Variants in SPAG16 observed in about 807,000 individuals in gnomAD.
SPAG16 encodes the protein sperm associated antigen 16.
SPAG16 carries 86 observed loss-of-function variants against 80.4 expected under a neutral mutation model. The observed-to-expected ratio is 1.07, with a 90% CI of 0.90 to 1.28. The LOEUF is 1.28. Among genes scored for constraint, SPAG16 ranks in the 50% most tolerant of loss-of-function variants. The probability of loss-of-function intolerance (pLI) is 0.00; values close to 1 mark genes in which losing one functional copy is unlikely to be tolerated. For missense variants in SPAG16, 870 were observed against 765.3 expected, an observed-to-expected ratio of 1.14 and a Z score of -1.61; for synonymous variants, 294 against 265.9, an observed-to-expected ratio of 1.11 and a Z score of -1.03.
At position 213,980,725 on chromosome 2, in the gene SPAG16, T is replaced by TATATATAGAGAGAGAGAGAG. The variant is rs374274176; in HGVS notation, c.1401-33225_1401-33224insTATATAGAGAGAGAGAGAGA. ...GTGTGTGTGTGTGTATATATATATATAGAGAGAGAGAGAGAGAGAGAGAGA... is the reference window on the plus strand; with the variant it reads ...GTGTGTGTGTGTGTATATATATATATATATATAGAGAGAGAGAGAGAGAGAGAGAGAGAGAGAGAGAGAGA... On this transcript the variant is annotated intron_variant, in intron 12 of 15. Coordinates refer to ENST00000331683, the MANE Select transcript of SPAG16 (RefSeq NM_024532.5). 7.5e-4 allele frequency among the ~76,000 whole-genome samples: 78 copies of TATATATAGAGAGAGAGAGAG among 103,982 alleles called. 1 individual carries two copies. The highest frequency in any genetic ancestry group is 2.7e-3 in the African/African-American group (55 of 20,082). 68.2% of individuals were successfully genotyped at this position (103,982 alleles called of 152,430 possible). A position where few individuals can be genotyped will look rare whatever the true frequency, so the allele number is the denominator to read the frequency against.
At chr2:213,473,827 G>A (rs1220582019) in intron 9 of SPAG16, among the ~76,000 whole-genome samples, 1 of 152,012 alleles carries the variant, frequency 6.6e-6, no homozygotes, top group African/African-American at 2.4e-5. Context: ...AGTTATTTTC[G>A]AGTGTAGTAC....
intron 15 of SPAG16, among the ~76,000 whole-genome samples, chr2:214,189,772 G>A (rs2125693286): frequency 6.6e-6 from 1 of 151,976 alleles, no homozygotes; most frequent in South Asian, 2.1e-4. Flanking sequence ...TAATTATATA[G>A]TTAAGTCCTT....
chr2:214,328,932 G>C (rs1033899260), intron 15 of SPAG16, among the ~76,000 whole-genome samples: 1 of 152,076 alleles, frequency 6.6e-6, no homozygotes, highest in African/African-American at 2.4e-5. Context: ...AAAGCTTGGA[G>C]TGACTGTTCA....
intron 10 of SPAG16, among the ~76,000 whole-genome samples, chr2:213,548,889 T>C (rs2076699371): frequency 6.6e-6 from 1 of 152,160 alleles, no homozygotes; most frequent in Non-Finnish European, 1.5e-5. Context: ...CCGTGTTTGA[T>C]AGTTTTATGA....
In SPAG16 at chr2:213,920,706, C is replaced by T. The variant is rs184644992; in HGVS notation, c.1215-9254C>T. The stretch of plus-strand genomic sequence containing the variant: ...CAAGGGGTGCTCAAGTCAGACTAGC[C>T]CCATCTGATGGGCAAGACCACCATG... On this transcript the variant is annotated intron_variant, in intron 11 of 15. Coordinates refer to ENST00000331683, the MANE Select transcript of SPAG16 (RefSeq NM_024532.5). Among the ~76,000 whole-genome samples the T allele has an allele frequency of 4.6e-5, 7 of 152,240 alleles. No homozygotes were observed. The East Asian group carries it at 1.4e-3, about 29-fold the overall frequency.
chr2:214,029,626 T>A (rs548988958), intron 13 of SPAG16, among the ~76,000 whole-genome samples: 2 of 151,792 alleles, frequency 1.3e-5, no homozygotes, highest in African/African-American at 4.8e-5. Context: ...AAGAAAAGAA[T>A]GTGGAGAAGA....
In SPAG16 at chr2:213,474,693, T is replaced by C. The variant is rs550001504; in HGVS notation, c.943-15270T>C. ...CCAACTCCAGAAACCCTAAAACCAA[T>C]GAAAGAACTCTATCCTTAATATTCT... On this transcript the variant is annotated intron_variant, in intron 9 of 15. Transcript: ENST00000331683. Among the ~76,000 whole-genome samples the C allele has an allele frequency of 1.3e-3, 200 of 152,238 alleles. 3 individuals carry two copies. Among genetic ancestry groups the C allele is most frequent in the South Asian group, 6.0e-3 (29 of 4,820 alleles).
chr2:214,172,193 C>A (rs929470104), intron 15 of SPAG16, among the ~76,000 whole-genome samples: 1 of 151,820 alleles, frequency 6.6e-6, no homozygotes, highest in African/African-American at 2.4e-5. Context: ...GTGCTGCACC[C>A]ATTAACTCGT....
intron 10 of SPAG16, among the ~76,000 whole-genome samples, chr2:213,548,059 C>T (rs938960445): frequency 3.3e-5 from 5 of 152,276 alleles, no homozygotes; most frequent in South Asian, 2.1e-4. Flanking sequence ...TAAAACTTTA[C>T]AGGGAAAAGC....
intron 11 of SPAG16, among the ~76,000 whole-genome samples, chr2:213,889,274 A>C (rs1422781884): frequency 6.6e-6 from 1 of 151,934 alleles, no homozygotes; most frequent in South Asian, 2.1e-4. Context: ...GTGTATAAAT[A>C]TATCATCTAA....
intron 9 of SPAG16, among the ~76,000 whole-genome samples, chr2:213,449,122 G>A (rs1481393275): frequency 1.3e-5 from 2 of 152,120 alleles, no homozygotes; most frequent in African/African-American, 2.4e-5. Context: ...GGGAATGTGT[G>A]TCTTGTGCAG....
At chr2:214,358,988 A>G (rs1442388658) in intron 15 of SPAG16, among the ~76,000 whole-genome samples, 3 of 151,836 alleles carry the variant, frequency 2.0e-5, no homozygotes, top group Non-Finnish European at 2.9e-5. Flanking sequence ...ACTTTCTTAC[A>G]GTTTCACAGA....
chr2:214,397,945 G>A (rs9283529), intron 15 of SPAG16, among the ~76,000 whole-genome samples: 90,753 of 152,012 alleles, frequency 0.6, 28,842 homozygotes, highest in South Asian at 0.75. Flanking sequence ...CACTTGTTCT[G>A]GTCAGCACTT....
intron 8 of SPAG16, among the ~76,000 whole-genome samples, chr2:213,373,997 G>A (rs1297614475): frequency 6.6e-6 from 1 of 152,106 alleles, no homozygotes; most frequent in Non-Finnish European, 1.5e-5. Context: ...CTAGACTTCA[G>A]TATCCTAGAT....
chr2:213,284,811 T>A, intron 1 of SPAG16, 192 bp downstream of exon 1: 1 of 770,082 alleles, frequency 1.3e-6, no homozygotes, highest in Non-Finnish European at 2.0e-6. Flanking sequence ...TCGCCCTTAG[T>A]AGCCCAGGGT....
Position 213,284,614 on chromosome 2 carries a change from T to G in SPAG16, c.131T>G (p.Leu44Arg). ...GTGGCGGCTGAGGGCGCCTACTACC[T>G]GGAACGTATCCTTCCCGTGGAGGCG... ...DAVAAEGAYY[L>R]EQVTITEASE... Residue 44 changes from leucine to arginine, a missense_variant, in exon 1 of 16, where the codon CTG (leucine) becomes CGG (arginine). Coordinates refer to ENST00000331683, the MANE Select transcript of SPAG16 (RefSeq NM_024532.5). 2 of 1,609,204 alleles carry G rather than the reference T, an allele frequency of 1.2e-6. No individual in the cohort carries two copies. The highest frequency in any genetic ancestry group is 1.7e-6 in the Non-Finnish European group (2 of 1,178,558).
chr2:213,723,508 T>C (rs1021180635), intron 10 of SPAG16, among the ~76,000 whole-genome samples: 6 of 152,184 alleles, frequency 3.9e-5, no homozygotes, highest in Non-Finnish European at 2.9e-5. Context: ...GAATTGAATG[T>C]AGAAGGACAG....
intron 10 of SPAG16, among the ~76,000 whole-genome samples, chr2:213,574,767 A>G (rs1168115275): frequency 1.3e-5 from 2 of 150,546 alleles, no homozygotes; most frequent in Non-Finnish European, 3.0e-5. Flanking sequence ...CTCTTAGTCA[A>G]TTGTGAACTA....
intron 10 of SPAG16, among the ~76,000 whole-genome samples, chr2:213,638,086 T>G (rs2062439239): frequency 6.6e-6 from 1 of 152,212 alleles, no homozygotes; most frequent in Admixed American, 6.5e-5. Context: ...GTATTGGTTA[T>G]AGTATCTCCC....
Sources: allele counts gnomAD v4.1 joint callset (sites outside exome capture counted in the v4.1 genomes callset), GRCh38; gene constraint gnomAD v4.1.1; transcripts MANE v1.5; gene names NCBI Gene and HGNC (gene_info 2026-07-23, HGNC 2026-07-21).